KLHL32: variants seen among roughly 807,000 people sequenced by gnomAD.
The protein encoded by KLHL32 is kelch like family member 32, also known as kelch-like protein 32.
In KLHL32, 35 loss-of-function variants were observed where a neutral mutation model predicts 64.8. The ratio of observed to expected loss-of-function variants is 0.54; its 90% CI spans 0.41 to 0.72. The LOEUF (loss-of-function observed/expected upper bound fraction) is 0.72. Among genes scored for constraint, KLHL32 ranks in the 30% least tolerant of loss-of-function variants. The pLI is 0.00. For missense variants in KLHL32, 589 were observed against 768.5 expected, an observed-to-expected ratio of 0.77 and a Z score of 2.76; for synonymous variants, 259 against 281.0, an observed-to-expected ratio of 0.92 and a Z score of 0.78.
the KLHL32 span, among the ~76,000 whole-genome samples, chr6:96,915,750 C>T: frequency 1.3e-5 from 2 of 151,824 alleles, no homozygotes; most frequent in Non-Finnish European, 2.9e-5. Context: ...TATATGATTC[C>T]ATGTTTACCT....
intron 6 of KLHL32, among the ~76,000 whole-genome samples, chr6:97,103,698 C>T (rs1451991936): frequency 2.6e-5 from 4 of 152,178 alleles, no homozygotes; most frequent in Non-Finnish European, 5.9e-5. Flanking sequence ...TGCATTGGCC[C>T]CACGTGCATG....
At chr6:96,980,403 A>G (rs1487522402) in intron 3 of KLHL32, among the ~76,000 whole-genome samples, 1 of 152,068 alleles carries the variant, frequency 6.6e-6, no homozygotes, top group Non-Finnish European at 1.5e-5. Flanking sequence ...GCCTTTTCTA[A>G]ATCTATTGAG....
chr6:97,057,721 G>A (rs1021990623), intron 4 of KLHL32, among the ~76,000 whole-genome samples: 1 of 151,982 alleles, frequency 6.6e-6, no homozygotes, highest in Non-Finnish European at 1.5e-5. Flanking sequence ...AGTGTATTTT[G>A]TGGAGCAGAA....
intron 4 of KLHL32, among the ~76,000 whole-genome samples, chr6:97,060,774 A>G (rs1182739293): frequency 2.6e-5 from 4 of 152,024 alleles, no homozygotes; most frequent in Non-Finnish European, 5.9e-5. Flanking sequence ...ATTCTGACAT[A>G]ATTTCTCCTA....
intron 2 of KLHL32, among the ~76,000 whole-genome samples, chr6:96,971,957 A>G (rs1775163814): frequency 6.6e-6 from 1 of 152,090 alleles, no homozygotes; most frequent in African/African-American, 2.4e-5. Context: ...GGTTCAAGTA[A>G]TTCTCCTGCC....
At chr6:96,928,204 C>T (rs55737850) in intron 1 of KLHL32, among the ~76,000 whole-genome samples, 9,956 of 151,946 alleles carry the variant, frequency 0.066, 392 homozygotes, top group Middle Eastern at 0.14. Context: ...CAGGTCAGTC[C>T]CTAGGTAGTA....
chr6:96,914,311 T>C, the KLHL32 span, among the ~76,000 whole-genome samples: 15 of 152,126 alleles, frequency 9.9e-5, no homozygotes, highest in Non-Finnish European at 1.8e-4. Flanking sequence ...AGATAATTTA[T>C]GACAGGAAAC....
chr6:96,910,329 G>A, the KLHL32 span, among the ~76,000 whole-genome samples: 1 of 152,124 alleles, frequency 6.6e-6, no homozygotes, highest in Non-Finnish European at 1.5e-5. Flanking sequence ...CTGTGGCTAT[G>A]TCAGAGAGGA....
chr6:97,006,596 A>G (rs1477982281), intron 3 of KLHL32, among the ~76,000 whole-genome samples: 1 of 151,938 alleles, frequency 6.6e-6, no homozygotes, highest in Non-Finnish European at 1.5e-5. Context: ...TAGTTGCTCT[A>G]TATACTTAAA....
At chr6:97,102,503 A>G (rs1229529170) in intron 6 of KLHL32, among the ~76,000 whole-genome samples, 1 of 152,140 alleles carries the variant, frequency 6.6e-6, no homozygotes, top group Non-Finnish European at 1.5e-5. Flanking sequence ...AGGACATGTT[A>G]TGTAAATATG....
At chr6:97,110,727 A>T (rs1350629904) in intron 6 of KLHL32, among the ~76,000 whole-genome samples, 1 of 152,234 alleles carries the variant, frequency 6.6e-6, no homozygotes, top group Non-Finnish European at 1.5e-5. Flanking sequence ...GCACGATAAA[A>T]TTGAAGCAGG....
intron 5 of KLHL32, among the ~76,000 whole-genome samples, chr6:97,072,209 G>A (rs1790855672): frequency 6.6e-6 from 1 of 151,926 alleles, no homozygotes; most frequent in South Asian, 2.1e-4. Context: ...CCCTTAACTT[G>A]TTAAATCTCT....
intron 7 of KLHL32, among the ~76,000 whole-genome samples, chr6:97,118,287 T>C (rs1265802448): frequency 6.6e-6 from 1 of 152,212 alleles, no homozygotes; most frequent in Non-Finnish European, 1.5e-5. Context: ...ATAATTGCCT[T>C]ATCTTTTTGC....
rs888960109 is a variant in KLHL32, at chr6:97,121,757, A to G, written c.1355-5647A>G. Among the ~76,000 whole-genome samples the G allele has an allele frequency of 2.6e-5, 4 of 152,328 alleles. No homozygotes were observed. The South Asian group carries it at 8.3e-4, about 32-fold the overall frequency. Reference sequence around the variant, plus strand: ...AGATGGGTCTAGTAAAAGACGGTAAACTAAATGGTGAGCTGTATTGTTCTA... The same window carrying G: ...AGATGGGTCTAGTAAAAGACGGTAAGCTAAATGGTGAGCTGTATTGTTCTA... On this transcript the variant is annotated intron_variant, in intron 7 of 10. Coordinates refer to ENST00000369261, the MANE Select transcript of KLHL32 (RefSeq NM_052904.4).
At chr6:97,037,966 A>G (rs1251439968) in intron 3 of KLHL32, among the ~76,000 whole-genome samples, 1 of 152,218 alleles carries the variant, frequency 6.6e-6, no homozygotes, top group Non-Finnish European at 1.5e-5. Context: ...TTGCATAACT[A>G]TATGCAGAAG....
intron 3 of KLHL32, among the ~76,000 whole-genome samples, chr6:97,034,253 T>C (rs1270437533): frequency 1.3e-5 from 2 of 152,134 alleles, no homozygotes; most frequent in Non-Finnish European, 2.9e-5. Context: ...AAGTTTTTCC[T>C]GCACCGTATA....
At chr6:97,099,024 G>T (rs1276812606) in intron 6 of KLHL32, among the ~76,000 whole-genome samples, 1 of 152,142 alleles carries the variant, frequency 6.6e-6, no homozygotes, top group Non-Finnish European at 1.5e-5. Context: ...TAAAGTAATG[G>T]GACTCAAGCA....
chr6:97,071,880 A>G (rs1790787866), intron 5 of KLHL32, among the ~76,000 whole-genome samples: 1 of 152,130 alleles, frequency 6.6e-6, no homozygotes, highest in Non-Finnish European at 1.5e-5. Flanking sequence ...ATGCTAATCA[A>G]CACTGGACAA....
At chr6:96,967,348 C>T (rs532292054) in intron 2 of KLHL32, among the ~76,000 whole-genome samples, 1 of 151,960 alleles carries the variant, frequency 6.6e-6, no homozygotes, top group African/African-American at 2.4e-5. Flanking sequence ...TAACTTCCCT[C>T]AAACATGAGG....
Sources: allele counts gnomAD v4.1 joint callset (sites outside exome capture counted in the v4.1 genomes callset), GRCh38; gene constraint gnomAD v4.1.1; transcripts MANE v1.5; gene names NCBI Gene and HGNC (gene_info 2026-07-23, HGNC 2026-07-21).